The following FAM107B variants were observed in gnomAD, a reference collection of about 807,000 sequenced individuals.
The protein encoded by FAM107B is family with sequence similarity 107 member B.
A neutral mutation model predicts 31.5 loss-of-function variants in FAM107B; 21 were observed. The observed-to-expected ratio is 0.67, with a 90% CI of 0.47 to 0.96. FAM107B has a LOEUF of 0.96. FAM107B is among the 40% of genes least tolerant of loss of function. FAM107B has a pLI of 0.00. For synonymous variants in FAM107B, 157 were observed against 141.5 expected, an observed-to-expected ratio of 1.11 and a Z score of -0.78; for missense variants, 452 against 377.1, an observed-to-expected ratio of 1.20 and a Z score of -1.64.
chr10:14,531,702 CG>C (rs1847035305), intron 2 of FAM107B, among the ~76,000 whole-genome samples: 1 of 151,850 alleles, frequency 6.6e-6, no homozygotes, highest in African/African-American at 2.4e-5. Flanking sequence ...AATAGCCAGG[CG>C]TGGTGGCGTA....
At chr10:14,753,855 T>C (rs1166086294) in intron 1 of FAM107B, among the ~76,000 whole-genome samples, 2 of 151,278 alleles carry the variant, frequency 1.3e-5, no homozygotes, top group African/African-American at 2.4e-5. Context: ...CCCACCTATA[T>C]AAAATATAAC....
At chr10:14,716,559 A>T (rs896696758) in intron 1 of FAM107B, among the ~76,000 whole-genome samples, 8 of 152,356 alleles carry the variant, frequency 5.3e-5, no homozygotes, top group African/African-American at 1.9e-4. Context: ...GTGAGAAGTG[A>T]GTTCCTATAT....
chr10:14,660,942 G>T (rs753693963), intron 2 of FAM107B, among the ~76,000 whole-genome samples: 4 of 152,134 alleles, frequency 2.6e-5, no homozygotes, highest in Non-Finnish European at 5.9e-5. Context: ...GGAGGGGCCT[G>T]GCAGGAGGTG....
chr10:14,635,015 G>A (rs911589738), intron 2 of FAM107B, among the ~76,000 whole-genome samples: 7 of 151,902 alleles, frequency 4.6e-5, no homozygotes, highest in African/African-American at 1.5e-4. Context: ...CTTGAACCCC[G>A]GAGGCGGAGG....
At chr10:14,541,746 C>T (rs1206653220) in intron 2 of FAM107B, among the ~76,000 whole-genome samples, 2 of 152,326 alleles carry the variant, frequency 1.3e-5, no homozygotes, top group East Asian at 3.9e-4. Context: ...CTTCCATCCT[C>T]TCCCCTATGC....
rs935590768 is a variant in FAM107B at position 14,599,235 on chromosome 10, C to T, written c.469+68399G>A. 5.9e-5 allele frequency among the ~76,000 whole-genome samples: 9 copies of T among 151,950 alleles called. No homozygotes were observed. In the South Asian group the frequency reaches 1.2e-3, roughly 21 times the overall value. The stretch of plus-strand genomic sequence containing the variant: ...GGGTTGCTGGGGCTCAGTGTCCCCC[C>T]CCACTTCAAGACTTCTAAGTCTCCC... On this transcript the variant is annotated intron_variant, in intron 2 of 4. Coordinates refer to ENST00000181796, the MANE Select transcript of FAM107B (RefSeq NM_031453.4).
chr10:14,701,403 C>A (rs1588715373), intron 1 of FAM107B, among the ~76,000 whole-genome samples: 1 of 152,006 alleles, frequency 6.6e-6, no homozygotes, highest in African/African-American at 2.4e-5. Context: ...CCCCACCACC[C>A]CTGGCTAATT....
rs75591826 is a variant in FAM107B at position 14,622,830 on chromosome 10, T to C, written c.469+44804A>G. Among the ~76,000 whole-genome samples the C allele has an allele frequency of 5.7e-3, 872 of 152,350 alleles. 9 individuals are homozygous for C. The highest frequency in any genetic ancestry group is 0.02 in the African/African-American group (836 of 41,586). On this transcript the variant is annotated intron_variant, in intron 2 of 4. Transcript: ENST00000181796. ...GTTTATTTGACTGCAGGCTCACAGT[T>C]TTCCTTTAAACATAAATCTTCTGAT...
intron 1 of FAM107B, among the ~76,000 whole-genome samples, chr10:14,764,406 AC>A (rs1054314415): frequency 2.0e-5 from 3 of 152,082 alleles, no homozygotes; most frequent in African/African-American, 7.2e-5. Flanking sequence ...GTCATTTTCC[AC>A]TTAACTGAAC....
Position 14,521,003 on chromosome 10 carries a change from G to A in FAM107B, c.*187C>T, listed in dbSNP as rs1426937409. The stretch of plus-strand genomic sequence containing the variant: ...TGCGGGGCACTGCCCTTCATTTGGC[G>A]AATAGGAACTGCAACTGTCACAGGC... On this transcript the variant is annotated 3_prime_UTR_variant, in exon 5 of 5. Coordinates refer to ENST00000181796, the MANE Select transcript of FAM107B (RefSeq NM_031453.4). The A allele has an allele frequency of 5.5e-6, 3 of 545,928 alleles. No individual in the cohort carries two copies. Among genetic ancestry groups the A allele is most frequent in the Admixed American group, 3.6e-5 (1 of 27,898 alleles). The allele number at this position is 545,928 out of a possible 1,614,324, so 33.8% of individuals were successfully genotyped here.
chr10:14,662,923 AC>A (rs1207850199), intron 2 of FAM107B, among the ~76,000 whole-genome samples: 2 of 152,174 alleles, frequency 1.3e-5, no homozygotes, highest in East Asian at 3.9e-4. Flanking sequence ...GGAGAGGCAG[AC>A]CCACCCTCAA....
In FAM107B at chr10:14,763,000, T is replaced by C. The variant is rs1302894235; in HGVS notation, c.411+11253A>G. On this transcript the variant is annotated intron_variant, in intron 1 of 4. Transcript: ENST00000181796. ...GACAGAGGCCAGGCTTGGTGGCTCA[T>C]GCCTATAATCCCAGCACTTTGGGAG... is the stretch of plus-strand genomic sequence containing the variant. 8.5e-5 allele frequency among the ~76,000 whole-genome samples: 13 copies of C among 152,224 alleles called. No individual in the cohort carries two copies. The East Asian group carries it at 2.1e-3, about 25-fold the overall frequency.
intron 1 of FAM107B, among the ~76,000 whole-genome samples, chr10:14,770,993 A>T (rs1833289432): frequency 6.6e-6 from 1 of 150,630 alleles, no homozygotes; most frequent in African/African-American, 2.4e-5. Flanking sequence ...AAAAAAAAAA[A>T]AAAAAAAAAA....
intron 1 of FAM107B, among the ~76,000 whole-genome samples, chr10:14,704,291 G>GTA (rs1056526070): frequency 1.3e-5 from 2 of 152,014 alleles, no homozygotes; most frequent in Non-Finnish European, 2.9e-5. Flanking sequence ...GTGTGTGTGT[G>GTA]TGTGTGTGTT....
chr10:14,753,618 T>C (rs774836178), intron 1 of FAM107B, among the ~76,000 whole-genome samples: 3 of 152,272 alleles, frequency 2.0e-5, no homozygotes, highest in South Asian at 2.1e-4. Flanking sequence ...TGTGTGTAGA[T>C]GGTTGGGAAG....
chr10:14,693,341 G>A (rs1855189221), intron 1 of FAM107B, among the ~76,000 whole-genome samples: 1 of 152,032 alleles, frequency 6.6e-6, no homozygotes, highest in Non-Finnish European at 1.5e-5. Context: ...AGCAGGGCGT[G>A]GTGGTGGGTG....
At chr10:14,740,693 C>T (rs898439688) in intron 1 of FAM107B, among the ~76,000 whole-genome samples, 1 of 152,096 alleles carries the variant, frequency 6.6e-6, no homozygotes, top group South Asian at 2.1e-4. Context: ...AAACTGTGTG[C>T]ACAGGGAGGG....
chr10:14,693,686 T>C (rs1419414503), intron 1 of FAM107B, among the ~76,000 whole-genome samples: 1 of 152,162 alleles, frequency 6.6e-6, no homozygotes, highest in East Asian at 1.9e-4. Flanking sequence ...ATGTTGTACA[T>C]AACATTCCTA....
intron 2 of FAM107B, among the ~76,000 whole-genome samples, chr10:14,588,278 T>A (rs1004150325): frequency 6.6e-6 from 1 of 152,002 alleles, no homozygotes; most frequent in Non-Finnish European, 1.5e-5. Context: ...GAGTCAGTCA[T>A]CACATATTTC....
Sources: gnomAD v4.1 joint callset for allele counts (sites outside exome capture counted in the v4.1 genomes callset) on GRCh38, gnomAD v4.1.1 for gene constraint, MANE v1.5 for transcripts, NCBI Gene and HGNC (gene_info 2026-07-23, HGNC 2026-07-21) for gene names.